CYP3A5: variants seen among roughly 807,000 people sequenced by gnomAD.
CYP3A5 encodes cytochrome P450 family 3 subfamily A member 5, also known as cytochrome P450 3A5.
CYP3A5 carries 51 observed loss-of-function variants against 55.9 expected under a neutral mutation model. The ratio of observed to expected loss-of-function variants is 0.91; its 90% CI spans 0.73 to 1.15. CYP3A5 has a LOEUF of 1.15. CYP3A5 is among the 50% of genes most tolerant of loss of function. The probability of loss-of-function intolerance (pLI) is 0.00; values close to 1 mark genes in which losing one functional copy is unlikely to be tolerated. For synonymous variants in CYP3A5, 196 were observed against 213.9 expected, an observed-to-expected ratio of 0.92 and a Z score of 0.73; for missense variants, 533 against 596.6, an observed-to-expected ratio of 0.89 and a Z score of 1.11.
intron 1 of CYP3A5, among the ~76,000 whole-genome samples, chr7:99,678,533 G>A (rs952850734): frequency 2.0e-5 from 3 of 152,128 alleles, no homozygotes; most frequent in Non-Finnish European, 4.4e-5. Flanking sequence ...GTATACATTT[G>A]TGCATTAGAC....
At chr7:99,666,380 A>C (rs1189086756) in intron 6 of CYP3A5, among the ~76,000 whole-genome samples, 1 of 152,172 alleles carries the variant, frequency 6.6e-6, no homozygotes, top group African/African-American at 2.4e-5. Flanking sequence ...TTAACAGATA[A>C]GTAAATCCTG....
chr7:99,677,745 C>G (rs2151463747), intron 1 of CYP3A5, among the ~76,000 whole-genome samples: 1 of 152,328 alleles, frequency 6.6e-6, no homozygotes, highest in African/African-American at 2.4e-5. Context: ...GCCAGGGTGG[C>G]CTTGGGTATT....
chr7:99,651,013 CATT>C (rs1400865615), intron 11 of CYP3A5, among the ~76,000 whole-genome samples: 1 of 152,100 alleles, frequency 6.6e-6, no homozygotes, highest in Non-Finnish European at 1.5e-5. Flanking sequence ...GTAATAATGG[CATT>C]GTTGTCATAT....
chr7:99,652,421 A>G, intron 11 of CYP3A5, 132 bp downstream of exon 11: 1 of 639,902 alleles, frequency 1.6e-6, no homozygotes, highest in East Asian at 2.8e-5. Context: ...GATAATTATC[A>G]CTTTTTTGTG....
intron 11 of CYP3A5, among the ~76,000 whole-genome samples, chr7:99,650,437 C>G (rs1386260367): frequency 1.3e-5 from 2 of 152,094 alleles, no homozygotes; most frequent in Non-Finnish European, 2.9e-5. Context: ...TCTCCATACC[C>G]TATAGGAGCG....
At chr7:99,658,374 G>A (rs911659722) in intron 10 of CYP3A5, among the ~76,000 whole-genome samples, 4 of 152,146 alleles carry the variant, frequency 2.6e-5, no homozygotes, top group Admixed American at 6.5e-5. Flanking sequence ...ATTCTGGGTT[G>A]AAAATTCTTT....
intron 4 of CYP3A5, chr7:99,671,920 AACAC>A (rs1170167338): frequency 1.4e-6 from 1 of 692,626 alleles, no homozygotes; most frequent in Admixed American, 2.1e-5. Flanking sequence ...CACACACATA[AACAC>A]ACACAAACAA....
chr7:99,665,532 C>A (rs1209462136), intron 6 of CYP3A5, among the ~76,000 whole-genome samples: 1 of 152,180 alleles, frequency 6.6e-6, no homozygotes, highest in African/African-American at 2.4e-5. Flanking sequence ...AGACACCAAG[C>A]TGAGTTAGAC....
chr7:99,671,855 G>C, intron 4 of CYP3A5: 1 of 702,996 alleles, frequency 1.4e-6, no homozygotes, highest in East Asian at 2.7e-5. Context: ...TCTGCATCTT[G>C]ATGGTGCTGG....
chr7:99,666,943 T>C lies in CYP3A5; in HGVS notation c.432+9A>G. 1.2e-6 allele frequency: 2 copies of C among 1,612,340 alleles called. No homozygotes were observed. The highest frequency in any genetic ancestry group is 4.5e-5 in the East Asian group (2 of 44,864). Reference sequence around the variant, plus strand: ...ACATTTCTAATTAAGACTCATCTTATTTTCATACCTCCTTGAGTTTTCCGC... The same window carrying C: ...ACATTTCTAATTAAGACTCATCTTACTTTCATACCTCCTTGAGTTTTCCGC... On this transcript the variant is annotated intron_variant, in intron 5 of 12. Transcript: ENST00000222982.
At chr7:99,666,887 T>G in intron 5 of CYP3A5, 65 bp downstream of exon 5, 1 of 1,602,160 alleles carries the variant, frequency 6.2e-7, no homozygotes, top group Non-Finnish European at 8.5e-7. Context: ...ACTGTGATCT[T>G]ACTTTCTACC....
chr7:99,672,252 A>AT (rs1386899758), intron 4 of CYP3A5, among the ~76,000 whole-genome samples: 3 of 152,058 alleles, frequency 2.0e-5, no homozygotes, highest in African/African-American at 7.2e-5. Flanking sequence ...GGGTTTCACC[A>AT]TGTTGGTCAG....
At position 99,672,585 on chromosome 7, in the gene CYP3A5, G is replaced by C. The variant is rs776567184; in HGVS notation, c.313C>G (p.Arg105Gly). 6.2e-7 allele frequency: 1 copy of C among 1,612,808 alleles called. No homozygotes were observed. Among genetic ancestry groups the C allele is most frequent in the East Asian group, 2.2e-5 (1 of 44,870 alleles). The part of the protein sequence containing the change: ...VKECYSVFTN[R>G]RSLGPVGFMK... ...TTCAAAAAATGGATGCTTACCCTTC[G>C]ATTTGTGAAGACAGAATAACATTCT... The change falls in exon 4 of 13, where the codon CGA (arginine) becomes GGA (glycine). Residue 105 changes from arginine (R) to glycine (G), a missense_variant. Arg to Gly is a moderately radical substitution (Grantham distance 125, BLOSUM62 -2). Coordinates refer to ENST00000222982, the MANE Select transcript of CYP3A5 (RefSeq NM_000777.5).
rs28383472 is a variant in CYP3A5 at position 99,665,182 on chromosome 7, T to C, written c.654A>G (p.Pro218=). The change falls in exon 7 of 13, where the codon CCA becomes CCG. Residue 218 remains proline, a synonymous_variant. Transcript: ENST00000222982. The part of the protein sequence containing the change: ...KKFLKFGFLD[P]LFLSIILFPF... ...CCCACATACTTATTGAGAGAAATAA[T>C]GGATCTAAGAAACCAAATTTTAGGA... 2.0e-3 allele frequency: 3,291 copies of C among 1,612,158 alleles called. 67 individuals carry two copies. In the African/African-American group the frequency reaches 0.04, roughly 19 times the overall value.
intron 7 of CYP3A5, 135 bp downstream of exon 7, chr7:99,665,031 G>A: frequency 1.2e-6 from 1 of 863,984 alleles, no homozygotes; most frequent in East Asian, 2.7e-5. Flanking sequence ...CAATAGTAAT[G>A]GTCATACATA....
intron 2 of CYP3A5, 57 bp downstream of exon 2, chr7:99,676,058 G>A: frequency 6.7e-7 from 1 of 1,482,854 alleles, no homozygotes; most frequent in Admixed American, 1.7e-5. Flanking sequence ...TTTACTGATG[G>A]AACTAAGCTG....
At chr7:99,678,606 G>T (rs1370630092) in intron 1 of CYP3A5, among the ~76,000 whole-genome samples, 1 of 152,156 alleles carries the variant, frequency 6.6e-6, no homozygotes, top group African/African-American at 2.4e-5. Context: ...CACAAATACT[G>T]AACTAACAGC....
chr7:99,652,553 C>A lies in CYP3A5; in HGVS notation c.1253G>T (p.Arg418Met), dbSNP rs370299887. 6 of 1,599,042 alleles carry A rather than the reference C, an allele frequency of 3.8e-6. No individual in the cohort carries two copies. In the African/African-American group the frequency reaches 5.4e-5, roughly 14 times the overall value. ...GCTCCATTTCCCTGGAGACTTGTACCTTTCAGGGCGGAACTCCTCAGGCTC... is the reference window on the plus strand; with the variant it reads ...GCTCCATTTCCCTGGAGACTTGTACATTTCAGGGCGGAACTCCTCAGGCTC... ...WTEPEEFRPE[R>M]FSKKKDSIDP... is the part of the protein sequence containing the mutation. The change falls in exon 11 of 13, where the codon AGG becomes ATG. Residue 418 changes from arginine (R) to methionine (M), a missense_variant and splice_region_variant. Transcript: ENST00000222982.
At chr7:99,648,702 G>C (rs1270554523) in intron 12 of CYP3A5, among the ~76,000 whole-genome samples, 2 of 151,444 alleles carry the variant, frequency 1.3e-5, no homozygotes, top group African/African-American at 4.9e-5. Flanking sequence ...TTAAAAGGAT[G>C]AGTTTTAAAA....
Sources: gnomAD v4.1 joint callset for allele counts (sites outside exome capture counted in the v4.1 genomes callset) on GRCh38, gnomAD v4.1.1 for gene constraint, MANE v1.5 for transcripts, NCBI Gene and HGNC (gene_info 2026-07-23, HGNC 2026-07-21) for gene names.